Variants in CACNA1E observed in about 807,000 individuals in gnomAD.
CACNA1E encodes calcium voltage-gated channel subunit alpha1 E.
A neutral mutation model predicts 259.2 loss-of-function variants in CACNA1E; 40 were observed. The observed-to-expected ratio is 0.15, with a 90% CI of 0.12 to 0.20. The LOEUF is 0.20. Among genes scored for constraint, CACNA1E ranks in the 10% least tolerant of loss-of-function variants. The pLI is 1.00. For synonymous variants in CACNA1E, 1,104 were observed against 1,138.5 expected, an observed-to-expected ratio of 0.97 and a Z score of 0.61; for missense variants, 1,874 against 3,040.1, an observed-to-expected ratio of 0.62 and a Z score of 9.02.
At chr1:181,534,578 C>T (rs969281584) in intron 3 of CACNA1E, among the ~76,000 whole-genome samples, 1 of 152,028 alleles carries the variant, frequency 6.6e-6, no homozygotes, top group Non-Finnish European at 1.5e-5. Context: ...GTGACGGCTA[C>T]ACTAAAATCT....
chr1:181,762,695 C>A, intron 33 of CACNA1E, 38 bp downstream of exon 33: 2 of 1,266,492 alleles, frequency 1.6e-6, no homozygotes, highest in Non-Finnish European at 2.3e-6. Context: ...TAAGCTTGGC[C>A]CTGGAGTAGC....
rs755994282 is a variant in CACNA1E, at chr1:181,710,963, C to G, written c.1065C>G (p.Ala355=). ...TCCTTCTTGTCCACAGGGAATTTGC[C>G]AAAGAGAGAGAGAGAGTGGAGAACC... ...LVLGVLSGEF[A]KERERVENRR... The change falls in exon 8 of 48, where the codon GCC becomes GCG. Residue 355 remains alanine, a synonymous_variant. Coordinates refer to ENST00000367573, the MANE Select transcript of CACNA1E (RefSeq NM_001205293.3). The G allele has an allele frequency of 1.2e-6, 2 of 1,610,796 alleles. No individual in the cohort carries two copies. Among genetic ancestry groups the G allele is most frequent in the Admixed American group, 3.3e-5 (2 of 60,012 alleles).
chr1:181,438,275 T>C (rs1660223409), intron 2 of CACNA1E, among the ~76,000 whole-genome samples: 1 of 152,216 alleles, frequency 6.6e-6, no homozygotes, highest in African/African-American at 2.4e-5. Flanking sequence ...GGTCTCATAA[T>C]GGCTCTAGAA....
intron 2 of CACNA1E, among the ~76,000 whole-genome samples, chr1:181,437,047 A>G (rs1660139784): frequency 6.6e-6 from 1 of 152,340 alleles, no homozygotes; most frequent in South Asian, 2.1e-4. Flanking sequence ...GTTATCCATT[A>G]AAACACGAAA....
At chr1:181,599,789 A>T (rs1039876104) in intron 6 of CACNA1E, among the ~76,000 whole-genome samples, 2 of 152,212 alleles carry the variant, frequency 1.3e-5, no homozygotes, top group Non-Finnish European at 2.9e-5. Flanking sequence ...CTCAGTGAAA[A>T]CACAAAGCCT....
intron 43 of CACNA1E, among the ~76,000 whole-genome samples, chr1:181,787,762 C>T (rs950508521): frequency 1.3e-5 from 2 of 152,102 alleles, no homozygotes; most frequent in African/African-American, 4.8e-5. Flanking sequence ...GAGGAAGTAA[C>T]ATTTGAGTGA....
At position 181,423,702 on chromosome 1, in the gene CACNA1E, G is replaced by A. The variant is rs114636674; in HGVS notation, c.434+10122G>A. On this transcript the variant is annotated intron_variant, in intron 2 of 11. Coordinates refer to the CACNA1E transcript ENST00000524607. ...TTGCTGGCCTTTTGAAAGGCGGCCA[G>A]CCTCCTGCAGATCTAGTGAGACTAA... Among the ~76,000 whole-genome samples, 188 of 130,626 alleles carry A rather than the reference G, an allele frequency of 1.4e-3. 1 individual carries two copies. Among genetic ancestry groups the A allele is most frequent in the Middle Eastern group, 4.2e-3 (1 of 238 alleles). 85.7% of individuals were successfully genotyped at this position (130,626 alleles called of 152,430 possible).
At chr1:181,508,147 T>TTGTGTGTGTGTGTGTGTGTGTGTG (rs55742094) in intron 1 of CACNA1E, among the ~76,000 whole-genome samples, 2 of 148,852 alleles carry the variant, frequency 1.3e-5, no homozygotes, top group Non-Finnish European at 3.0e-5. Context: ...CCCAAACGCC[T>TTGTGTGTGTGTGTGTGTGTGTGTG]TGTGTGTGTG....
rs1230825641 is a variant in CACNA1E, at chr1:181,756,028, C to G, written c.4062C>G (p.His1354Gln). 6.2e-7 allele frequency: 1 copy of G among 1,613,786 alleles called. No individual in the cohort carries two copies. Among genetic ancestry groups the G allele is most frequent in the African/African-American group, 1.3e-5 (1 of 74,908 alleles). The change falls in exon 29 of 48, where the codon CAC becomes CAG. Residue 1354 changes from histidine to glutamine, a missense_variant. Physicochemically the swap from His to Gln is conservative, Grantham distance 24. Around this residue, in one of 14 missense-constraint regions of CACNA1E, gnomAD observed 188 missense variants for 540.6 expected, o/e 0.35. Coordinates refer to ENST00000367573, the MANE Select transcript of CACNA1E (RefSeq NM_001205293.3). ...GGGAATGGAAGCGCCATGAATTCCA[C>G]TACGACAACATTATCTGGGCCCTGC... ...KGREWKRHEF[H>Q]YDNIIWALLT...
chr1:181,771,038 A>C (rs1659460088), intron 35 of CACNA1E, among the ~76,000 whole-genome samples: 1 of 152,174 alleles, frequency 6.6e-6, no homozygotes. Flanking sequence ...GAATGACTTC[A>C]AAAGAGCTTG....
intron 1 of CACNA1E, among the ~76,000 whole-genome samples, chr1:181,394,483 C>T (rs1382073082): frequency 6.6e-6 from 1 of 152,162 alleles, no homozygotes; most frequent in Non-Finnish European, 1.5e-5. Context: ...TGGGGTATCT[C>T]ATCAAATAAA....
intron 2 of CACNA1E, among the ~76,000 whole-genome samples, chr1:181,470,692 T>G (rs1407554273): frequency 6.6e-6 from 1 of 152,162 alleles, no homozygotes; most frequent in African/African-American, 2.4e-5. Flanking sequence ...GGATCTGTAG[T>G]TCACACAAAG....
At chr1:181,325,448 C>G (rs1214103514) in intron 1 of CACNA1E, among the ~76,000 whole-genome samples, 1 of 152,084 alleles carries the variant, frequency 6.6e-6, no homozygotes, top group African/African-American at 2.4e-5. Context: ...GTTCCCGGAC[C>G]AGCCACATAG....
At chr1:181,375,729 C>G (rs1455277233) in intron 1 of CACNA1E, among the ~76,000 whole-genome samples, 1 of 152,086 alleles carries the variant, frequency 6.6e-6, no homozygotes, top group African/African-American at 2.4e-5. Context: ...AGCAATGGAG[C>G]CCCCCTTCCC....
intron 6 of CACNA1E, among the ~76,000 whole-genome samples, chr1:181,589,495 C>T (rs992595476): frequency 7.2e-5 from 11 of 151,912 alleles, no homozygotes; most frequent in East Asian, 1.9e-4. Context: ...CTAAATATAG[C>T]GAATAATTGG....
In CACNA1E at chr1:181,438,751, G is replaced by A. The variant is rs76342209; in HGVS notation, c.434+25171G>A. 9.7e-3 allele frequency among the ~76,000 whole-genome samples: 1,472 copies of A among 152,298 alleles called. 28 individuals are homozygous for A. The highest frequency in any genetic ancestry group is 0.031 in the African/African-American group (1,272 of 41,562). ...ACACTGGTGGGAGCATAACTGGTAC[G>A]CTTATTTTGGAAGAATCTAGTGAAG... On this transcript the variant is annotated intron_variant, in intron 2 of 11. Transcript: ENST00000524607.
At chr1:181,792,574 T>C (rs1661419021) in intron 44 of CACNA1E, among the ~76,000 whole-genome samples, 1 of 152,204 alleles carries the variant, frequency 6.6e-6, no homozygotes, top group Non-Finnish European at 1.5e-5. Context: ...CCATAGCACA[T>C]GTCTTGGGAA....
chr1:181,359,652 G>A (rs1463856952), intron 1 of CACNA1E, among the ~76,000 whole-genome samples: 2 of 152,176 alleles, frequency 1.3e-5, no homozygotes, highest in Admixed American at 6.5e-5. Context: ...ACCCAGAAGT[G>A]TGGGTGATAG....
intron 1 of CACNA1E, among the ~76,000 whole-genome samples, chr1:181,319,522 A>T (rs143019576): frequency 1.3e-4 from 20 of 152,322 alleles, no homozygotes; most frequent in Admixed American, 1.2e-3. Context: ...AACTAAGATG[A>T]CCATTTCTTG....
Sources: allele counts gnomAD v4.1 joint callset (sites outside exome capture counted in the v4.1 genomes callset), GRCh38; gene constraint gnomAD v4.1.1; regional missense constraint gnomAD v4.1.1; transcripts MANE v1.5; gene names NCBI Gene and HGNC (gene_info 2026-07-23, HGNC 2026-07-21).